Variants in TSPAN19 observed in about 807,000 individuals in gnomAD.
TSPAN19 encodes tetraspanin-19.
TSPAN19 carries 44 observed loss-of-function variants against 35.1 expected under a neutral mutation model. That is an observed-to-expected ratio of 1.25 (90% CI 0.98 to 1.61). The LOEUF (loss-of-function observed/expected upper bound fraction) is 1.61, where lower values mean the gene tolerates loss of function less well. TSPAN19 is among the 40% of genes most tolerant of loss of function. The pLI, the probability that TSPAN19 is intolerant of heterozygous loss-of-function variation, is 0.00. For missense variants in TSPAN19, 290 were observed against 280.0 expected (o/e 1.04, Z -0.26); for synonymous variants, 79 against 92.0 (o/e 0.86, Z 0.81).
chr12:85,035,553 C>T (rs1355717354), intron 1 of TSPAN19, among the ~76,000 whole-genome samples: 3 of 151,628 alleles, frequency 2.0e-5, no homozygotes, highest in Non-Finnish European at 2.9e-5. Flanking sequence ...TATTTTTTTT[C>T]CAGAGGCTCA....
chr12:85,017,644 G>T, intron 6 of TSPAN19, 45 bp from the exon 7 acceptor site: 1 of 1,436,312 alleles, frequency 7.0e-7, no homozygotes, highest in Non-Finnish European at 9.3e-7. Flanking sequence ...TGTTCAAAAT[G>T]CAGTTAATTA....
intron 7 of TSPAN19, chr12:85,017,232 A>G (rs748705178): frequency 1.1e-5 from 5 of 445,500 alleles, no homozygotes; most frequent in Non-Finnish European, 1.6e-5. Flanking sequence ...AAGAATACAT[A>G]AATCATATAC....
chr12:85,016,089 T>A, intron 7 of TSPAN19, 118 bp from the exon 8 acceptor site: 1 of 596,428 alleles, frequency 1.7e-6, no homozygotes, highest in Non-Finnish European at 2.7e-6. Flanking sequence ...AAATAGTAAG[T>A]CAATATCTAA....
intron 8 of TSPAN19, chr12:85,015,447 A>T (rs1259202849): frequency 2.0e-5 from 3 of 152,480 alleles, no homozygotes; most frequent in African/African-American, 7.3e-5. Flanking sequence ...TGAATAGTGG[A>T]TCTTACTAAA....
chr12:85,034,758 C>T (rs897634987), intron 1 of TSPAN19, among the ~76,000 whole-genome samples: 1 of 152,018 alleles, frequency 6.6e-6, no homozygotes, highest in African/African-American at 2.4e-5. Flanking sequence ...TATATTCTAG[C>T]GAAATTATGA....
Position 85,017,459 on chromosome 12 carries a change from A to C in TSPAN19, c.591T>G (p.Leu197=). The C allele has an allele frequency of 6.2e-7, 1 of 1,606,916 alleles. No individual in the cohort carries two copies. Among genetic ancestry groups the C allele is most frequent in the Non-Finnish European group, 8.5e-7 (1 of 1,176,322 alleles). The change falls in exon 7 of 9, where the codon CTT becomes CTG. Residue 197 remains leucine, a synonymous_variant. Transcript: ENST00000532498. The part of the protein sequence containing the change: ...FCDEPLNATY[L]EGCENKISAW... ...AGAAGCCTAGATTTATCTTTACCTC[A>C]AGGTAAGTTGCATTCAGTGGCTCAT...
intron 1 of TSPAN19, among the ~76,000 whole-genome samples, chr12:85,031,051 A>G (rs1877661540): frequency 3.3e-5 from 5 of 152,110 alleles, no homozygotes; most frequent in Admixed American, 3.3e-4. Flanking sequence ...TCCTTTGAAA[A>G]GTGGAAAAAA....
At chr12:85,023,513 G>C in intron 4 of TSPAN19, 113 bp from the exon 5 acceptor site, 4 of 764,636 alleles carry the variant, frequency 5.2e-6, no homozygotes, top group East Asian at 2.9e-5. Flanking sequence ...AGTATATATG[G>C]GTATTGCTGA....
chr12:85,020,761 T>C (rs768412932), intron 5 of TSPAN19, among the ~76,000 whole-genome samples: 21 of 152,192 alleles, frequency 1.4e-4, no homozygotes, highest in African/African-American at 3.8e-4. Context: ...TTAGATTATA[T>C]GCTTTTGTCC....
intron 6 of TSPAN19, among the ~76,000 whole-genome samples, chr12:85,018,396 AAAC>A (rs1792869912): frequency 6.6e-6 from 1 of 151,888 alleles, no homozygotes; most frequent in African/African-American, 2.4e-5. Context: ...AAGTTAGTTT[AAAC>A]AAACAAACCT....
chr12:85,025,941 T>G (rs543141231), intron 4 of TSPAN19, among the ~76,000 whole-genome samples: 4 of 152,304 alleles, frequency 2.6e-5, no homozygotes, highest in Admixed American at 2.6e-4. Flanking sequence ...CAGAGGAGAA[T>G]AGCAAAAGTG....
chr12:85,035,447 G>A (rs1460370097), intron 1 of TSPAN19, among the ~76,000 whole-genome samples: 2 of 152,018 alleles, frequency 1.3e-5, no homozygotes, highest in South Asian at 2.1e-4. Flanking sequence ...ACTAACATGT[G>A]TGCTTTTAAT....
intron 6 of TSPAN19, among the ~76,000 whole-genome samples, chr12:85,018,066 A>T (rs550165129): frequency 1.3e-5 from 2 of 151,808 alleles, no homozygotes; most frequent in African/African-American, 4.8e-5. Context: ...GTTAACTTTC[A>T]ATTTTGTATT....
intron 1 of TSPAN19, 78 bp from the exon 2 acceptor site, chr12:85,030,051 G>T (rs1051323746): frequency 1.8e-6 from 2 of 1,128,314 alleles, no homozygotes; most frequent in African/African-American, 3.2e-5. Context: ...TTCTTTATTT[G>T]CACATTTTTC....
chr12:85,029,583 T>C (rs910564013), intron 3 of TSPAN19, 136 bp downstream of exon 3: 4 of 799,074 alleles, frequency 5.0e-6, no homozygotes, highest in Non-Finnish European at 7.8e-6. Flanking sequence ...CTACAACTGA[T>C]GAAGACTTTC....
At chr12:85,022,014 AGT>A (rs1461246705) in intron 5 of TSPAN19, among the ~76,000 whole-genome samples, 2 of 152,080 alleles carry the variant, frequency 1.3e-5, no homozygotes, top group African/African-American at 4.8e-5. Flanking sequence ...GAGATACAGG[AGT>A]GTGTGCATAA....
rs538232485 is a variant in TSPAN19 at position 85,036,069 on chromosome 12, A to T, written c.-28+135T>A. ...ACACCTTATACATGGGCAAATCACC[A>T]GATGGAAATATAAATATATGTAGCT... On this transcript the variant is annotated intron_variant, in intron 1 of 8. Coordinates refer to ENST00000532498, the MANE Select transcript of TSPAN19 (RefSeq NM_001100917.2). 6.6e-5 allele frequency: 10 copies of T among 152,364 alleles called. No homozygotes were observed. In the South Asian group the frequency reaches 2.1e-3, roughly 32 times the overall value. The allele number at this position is 152,364 out of a possible 1,614,324, so 9.4% of individuals were successfully genotyped here. A position where few individuals can be genotyped will look rare whatever the true frequency, so the allele number is the denominator to read the frequency against.
At chr12:85,032,839 G>T (rs563023401) in intron 1 of TSPAN19, among the ~76,000 whole-genome samples, 3 of 152,190 alleles carry the variant, frequency 2.0e-5, no homozygotes, top group African/African-American at 7.2e-5. Context: ...TAAGGTCCTG[G>T]TGTGGCATTT....
In TSPAN19 at chr12:85,019,687, C is replaced by T; in HGVS notation, c.389G>A (p.Gly130Glu). 6.2e-7 allele frequency: 1 copy of T among 1,609,604 alleles called. No individual in the cohort carries two copies. Reference sequence around the variant, plus strand: ...TATATCTTCAGGCTTATCTTTAGATCCATACTCAGAAATGACAAAATCAAT... The same window carrying T: ...TATATCTTCAGGCTTATCTTTAGATTCATACTCAGAAATGACAAAATCAAT... ...DKIDFVISEY[G>E]SKDKPEDITK... Residue 130 changes from glycine (G) to glutamate (E), a missense_variant, in exon 6 of 9, where the codon GGA becomes GAA. Coordinates refer to ENST00000532498, the MANE Select transcript of TSPAN19 (RefSeq NM_001100917.2).
Sources: gnomAD v4.1 joint callset for allele counts (sites outside exome capture counted in the v4.1 genomes callset) on GRCh38, gnomAD v4.1.1 for gene constraint, MANE v1.5 for transcripts, NCBI Gene and HGNC (gene_info 2026-07-23, HGNC 2026-07-21) for gene names.